TRIM66: variants seen among roughly 807,000 people sequenced by gnomAD.
TRIM66 encodes the protein tripartite motif-containing protein 66.
In TRIM66, 99 loss-of-function variants were observed where a neutral mutation model predicts 148.2. The observed-to-expected ratio is 0.67, with a 90% CI of 0.57 to 0.79. The LOEUF (loss-of-function observed/expected upper bound fraction) is 0.79, where lower values mean the gene tolerates loss of function less well. Ranked by LOEUF, TRIM66 falls within the 30% of genes least tolerant of loss-of-function variation. TRIM66 has a pLI of 0.00. For missense variants in TRIM66, 1,666 were observed against 1,697.9 expected, an observed-to-expected ratio of 0.98 and a Z score of 0.33; for synonymous variants, 616 against 635.9, an observed-to-expected ratio of 0.97 and a Z score of 0.47.
At position 8,646,544 on chromosome 11, in the gene TRIM66, T is replaced by C. The variant is rs565712866; in HGVS notation, c.860A>G (p.His287Arg). ...QIEDRIFEVKHQHRKVENQIK... is the reference protein window; with the variant it reads ...QIEDRIFEVKRQHRKVENQIK... ...CTGGTTTTCCACCTTCCTATGCTGA[T>C]GCTTCACTTCAAAAATCCTGTAAAC... is the stretch of plus-strand genomic sequence containing the variant. The change falls in exon 11 of 25, where the codon CAT (histidine) becomes CGT (arginine). Residue 287 changes from histidine (H) to arginine (R), a missense_variant. Physicochemically the swap from His to Arg is conservative, Grantham distance 29. This residue lies in a region of TRIM66 where 1,431 missense variants were observed against 1,412.4 expected (regional missense o/e 1.01). Transcript: ENST00000646038. 1.8e-5 allele frequency: 28 copies of C among 1,551,768 alleles called. No individual in the cohort carries two copies. Among genetic ancestry groups the C allele is most frequent in the South Asian group, 4.8e-5 (4 of 84,070 alleles).
chr11:8,644,663 T>C (rs929682282), intron 12 of TRIM66, among the ~76,000 whole-genome samples: 1 of 152,204 alleles, frequency 6.6e-6, no homozygotes, highest in Non-Finnish European at 1.5e-5. Flanking sequence ...TTCTCCCATA[T>C]ACATGTGTGC....
chr11:8,648,763 A>C (rs953103954), intron 8 of TRIM66, among the ~76,000 whole-genome samples: 1 of 152,238 alleles, frequency 6.6e-6, no homozygotes, highest in Admixed American at 6.5e-5. Flanking sequence ...ATAGCACACC[A>C]TCAAGCCCAA....
At chr11:8,638,237 C>T (rs1232171727) in intron 15 of TRIM66, among the ~76,000 whole-genome samples, 1 of 152,194 alleles carries the variant, frequency 6.6e-6, no homozygotes, top group Admixed American at 6.5e-5. Flanking sequence ...TTAAATAAAC[C>T]TCAGCTCTCT....
At chr11:8,656,547 C>T (rs1034875353) in intron 6 of TRIM66, among the ~76,000 whole-genome samples, 5 of 152,206 alleles carry the variant, frequency 3.3e-5, no homozygotes, top group African/African-American at 7.2e-5. Context: ...GCTCTGAAAA[C>T]GGAGGACATT....
intron 13 of TRIM66, among the ~76,000 whole-genome samples, chr11:8,641,875 C>G (rs1287974410): frequency 6.6e-6 from 1 of 152,126 alleles, no homozygotes; most frequent in Non-Finnish European, 1.5e-5. Flanking sequence ...CTGCTCTGTC[C>G]ATGTGATGTG....
intron 15 of TRIM66, 44 bp downstream of exon 15, chr11:8,638,610 G>T (rs2133048351): frequency 6.5e-7 from 1 of 1,531,732 alleles, no homozygotes; most frequent in Non-Finnish European, 8.8e-7. Flanking sequence ...GTCTTGGCTG[G>T]CAGTGGGTCC....
chr11:8,666,589 CA>C (rs2038615699), intron 6 of TRIM66, among the ~76,000 whole-genome samples: 1 of 152,008 alleles, frequency 6.6e-6, no homozygotes, highest in Non-Finnish European at 1.5e-5. Context: ...ATCTTCACAA[CA>C]GTCCTATGAG....
At position 8,656,323 on chromosome 11, in the gene TRIM66, T is replaced by A. The variant is rs558431826; in HGVS notation, c.341-4420A>T. ...CACTGCACATAAAATATTATTTAGATATCATGCTTTTTTCTATTTTATTCA... is the reference window on the plus strand; with the variant it reads ...CACTGCACATAAAATATTATTTAGAAATCATGCTTTTTTCTATTTTATTCA... On this transcript the variant is annotated intron_variant, in intron 6 of 24. Coordinates refer to ENST00000646038, the MANE Select transcript of TRIM66 (RefSeq NM_001388022.1). 3.3e-5 allele frequency among the ~76,000 whole-genome samples: 5 copies of A among 152,372 alleles called. No individual in the cohort carries two copies. In the South Asian group the frequency reaches 8.3e-4, roughly 25 times the overall value.
chr11:8,644,901 G>A (rs1298145905), intron 12 of TRIM66, among the ~76,000 whole-genome samples: 3 of 152,148 alleles, frequency 2.0e-5, no homozygotes, highest in African/African-American at 7.2e-5. Flanking sequence ...CACCCATGCA[G>A]CATTGTCAAA....
intron 6 of TRIM66, among the ~76,000 whole-genome samples, chr11:8,664,444 T>C (rs1193427402): frequency 2.6e-5 from 4 of 152,170 alleles, no homozygotes; most frequent in African/African-American, 9.7e-5. Flanking sequence ...CAGGTGAACC[T>C]GAATTTGACC....
At chr11:8,666,847 T>C (rs2038631419) in intron 6 of TRIM66, among the ~76,000 whole-genome samples, 1 of 152,224 alleles carries the variant, frequency 6.6e-6, no homozygotes, top group African/African-American at 2.4e-5. Context: ...TCTCACTTTG[T>C]CGCCCAGGCT....
At chr11:8,633,149 A>G (rs2035569000) in intron 15 of TRIM66, among the ~76,000 whole-genome samples, 1 of 152,164 alleles carries the variant, frequency 6.6e-6, no homozygotes, top group Admixed American at 6.5e-5. Flanking sequence ...AAACTGACTT[A>G]AAAACGTTAT....
intron 18 of TRIM66, among the ~76,000 whole-genome samples, chr11:8,622,313 A>G (rs968902471): frequency 9.5e-5 from 12 of 126,674 alleles, no homozygotes; most frequent in African/African-American, 3.3e-4. Context: ...GTGTGTGTGT[A>G]TATATATGGA....
chr11:8,621,831 C>T lies in TRIM66; in HGVS notation c.3081-12G>A, dbSNP rs775097664. On this transcript the variant is annotated splice_polypyrimidine_tract_variant and intron_variant, in intron 18 of 24. Coordinates refer to ENST00000646038, the MANE Select transcript of TRIM66 (RefSeq NM_001388022.1). ...CACTATTGAAGGCTCTGCAGCAAGACAGACACCCCGGGGTCTTGGTGGGAT... is the reference window on the plus strand; with the variant it reads ...CACTATTGAAGGCTCTGCAGCAAGATAGACACCCCGGGGTCTTGGTGGGAT... 8 of 1,532,334 alleles carry T rather than the reference C, an allele frequency of 5.2e-6. No individual in the cohort carries two copies. Among genetic ancestry groups the T allele is most frequent in the South Asian group, 5.0e-5 (4 of 80,578 alleles). The allele number at this position is 1,532,334 out of a possible 1,614,324, so 94.9% of individuals were successfully genotyped here. A position where few individuals can be genotyped will look rare whatever the true frequency, so the allele number is the denominator to read the frequency against.
At chr11:8,670,577 T>TA (rs1229485120) in intron 6 of TRIM66, among the ~76,000 whole-genome samples, 6 of 152,208 alleles carry the variant, frequency 3.9e-5, no homozygotes, top group African/African-American at 1.4e-4. Flanking sequence ...TTGGAGTACT[T>TA]ACAAAGAAAA....
In TRIM66 at chr11:8,638,688, G is replaced by A; in HGVS notation, c.2276C>T (p.Thr759Ile). ...CACATTTGGAGAGGAGTGCTGGATGGTGCTGTCCACTGGGGGGACACTGAG... is the reference window on the plus strand; with the variant it reads ...CACATTTGGAGAGGAGTGCTGGATGATGCTGTCCACTGGGGGGACACTGAG... Reference protein sequence around the residue: ...TPLSVPPVDSTIQHSSPNVVR... With the variant: ...TPLSVPPVDSIIQHSSPNVVR... The change falls in exon 15 of 25, where the codon ACC becomes ATC. Residue 759 changes from threonine (T) to isoleucine (I), a missense_variant. Thr to Ile is a moderately conservative substitution (Grantham distance 89, BLOSUM62 -1). Coordinates refer to ENST00000646038, the MANE Select transcript of TRIM66 (RefSeq NM_001388022.1). The A allele has an allele frequency of 2.6e-6, 4 of 1,549,986 alleles. No individual in the cohort carries two copies. The highest frequency in any genetic ancestry group is 3.5e-6 in the Non-Finnish European group (4 of 1,146,362).
chr11:8,671,528 A>T (rs887108176), intron 6 of TRIM66, among the ~76,000 whole-genome samples: 8 of 152,216 alleles, frequency 5.3e-5, no homozygotes, highest in African/African-American at 1.9e-4. Context: ...CTTTGAATCA[A>T]AACCTTTCCA....
rs150269400 is a variant in TRIM66 at position 8,622,339 on chromosome 11, A to AACACACACACACACACAC, written c.3080+459_3080+476dup. Among the ~76,000 whole-genome samples the AACACACACACACACACAC allele has an allele frequency of 3.2e-3, 227 of 71,044 alleles. 5 individuals carry two copies. The highest frequency in any genetic ancestry group is 7.1e-3 in the South Asian group (16 of 2,238). The allele number at this position is 71,044 out of a possible 152,430, so 46.6% of individuals were successfully genotyped here. On this transcript the variant is annotated intron_variant, in intron 18 of 24. Transcript: ENST00000646038. The stretch of plus-strand genomic sequence containing the variant: ...TATATATGGAAGTACACACACACAC[A>AACACACACACACACACAC]ACACACACACACACACACACACACA...
chr11:8,646,544 T>A lies in TRIM66; in HGVS notation c.860A>T (p.His287Leu), dbSNP rs565712866. The A allele has an allele frequency of 6.4e-7, 1 of 1,551,886 alleles. No homozygotes were observed. The highest frequency in any genetic ancestry group is 1.2e-5 in the South Asian group (1 of 84,066). ...CTGGTTTTCCACCTTCCTATGCTGATGCTTCACTTCAAAAATCCTGTAAAC... is the reference window on the plus strand; with the variant it reads ...CTGGTTTTCCACCTTCCTATGCTGAAGCTTCACTTCAAAAATCCTGTAAAC... ...QIEDRIFEVK[H>L]QHRKVENQIK... Residue 287 changes from histidine (H) to leucine (L), a missense_variant, in exon 11 of 25, where the codon CAT becomes CTT. His to Leu is a moderately conservative substitution (Grantham distance 99). Coordinates refer to ENST00000646038, the MANE Select transcript of TRIM66 (RefSeq NM_001388022.1).
Sources: allele counts gnomAD v4.1 joint callset (sites outside exome capture counted in the v4.1 genomes callset), GRCh38; gene constraint gnomAD v4.1.1; regional missense constraint gnomAD v4.1.1; transcripts MANE v1.5; gene names NCBI Gene and HGNC (gene_info 2026-07-23, HGNC 2026-07-21).